Variants in SUMF1 observed in about 807,000 individuals in gnomAD.
The protein encoded by SUMF1 is sulfatase modifying factor 1.
A neutral mutation model predicts 47.6 loss-of-function variants in SUMF1; 48 were observed. The observed-to-expected ratio is 1.01, with a 90% confidence interval of 0.80 to 1.28. SUMF1 has a LOEUF of 1.28. SUMF1 is among the 50% of genes most tolerant of loss of function. The pLI is 0.00. For synonymous variants in SUMF1, 230 were observed against 192.1 expected, an observed-to-expected ratio of 1.20 and a Z score of -1.63; for missense variants, 571 against 485.4, an observed-to-expected ratio of 1.18 and a Z score of -1.66.
At chr3:4,302,263 A>G (rs1045100095) in intron 8 of SUMF1, among the ~76,000 whole-genome samples, 7 of 152,316 alleles carry the variant, frequency 4.6e-5, no homozygotes, top group Admixed American at 2.0e-4. Context: ...TAATACATCA[A>G]TCAATACATG....
intron 1 of SUMF1, among the ~76,000 whole-genome samples, chr3:4,466,691 C>A (rs1317012708): frequency 1.3e-5 from 2 of 151,980 alleles, no homozygotes; most frequent in Admixed American, 1.3e-4. Context: ...AATTTGATTG[C>A]CTTAAAATTA....
chr3:4,128,619 G>C (rs1693714332), intron 8 of SUMF1, among the ~76,000 whole-genome samples: 1 of 152,138 alleles, frequency 6.6e-6, no homozygotes, highest in Non-Finnish European at 1.5e-5. Flanking sequence ...AGTACCGACA[G>C]GCACTTAGAA....
At chr3:4,121,037 C>T (rs982992733) in intron 8 of SUMF1, among the ~76,000 whole-genome samples, 11 of 152,160 alleles carry the variant, frequency 7.2e-5, no homozygotes, top group Admixed American at 2.0e-4. Context: ...CTTACTTTAC[C>T]GGATGGAAAA....
At chr3:4,152,298 T>C (rs527736720) in intron 8 of SUMF1, among the ~76,000 whole-genome samples, 1 of 151,542 alleles carries the variant, frequency 6.6e-6, no homozygotes, top group East Asian at 1.9e-4. Flanking sequence ...TTTGTTTATT[T>C]GTTTTTTGAA....
At chr3:4,450,577 G>A (rs568343388) in intron 2 of SUMF1, among the ~76,000 whole-genome samples, 8 of 152,228 alleles carry the variant, frequency 5.3e-5, no homozygotes, top group African/African-American at 1.9e-4. Context: ...TAAATTAGGG[G>A]ATATAAGGTC....
chr3:4,169,459 T>C (rs1348950109), intron 8 of SUMF1, among the ~76,000 whole-genome samples: 2 of 152,056 alleles, frequency 1.3e-5, no homozygotes, highest in Non-Finnish European at 1.5e-5. Context: ...ACGAGGCATC[T>C]ACAAGACAAA....
intron 8 of SUMF1, among the ~76,000 whole-genome samples, chr3:4,184,711 T>C (rs2125136729): frequency 6.7e-6 from 1 of 149,886 alleles, no homozygotes; most frequent in Non-Finnish European, 1.5e-5. Flanking sequence ...TATAGTGGTG[T>C]GATCTCGGCT....
Position 4,128,341 on chromosome 3 carries a change from AC to A in SUMF1, c.1015-59597del, listed in dbSNP as rs546603944. Among the ~76,000 whole-genome samples the A allele has an allele frequency of 2.8e-3, 428 of 152,262 alleles. 5 individuals carry two copies. The highest frequency in any genetic ancestry group is 9.9e-3 in the African/African-American group (410 of 41,542). On this transcript the variant is annotated intron_variant and NMD_transcript_variant, in intron 8 of 12. Coordinates refer to the SUMF1 transcript ENST00000448413. Reference sequence around the variant, plus strand: ...ACTTGGAATGGGGATGTGTAGGAGGACCCTGATGAAGCAGGGGACACCGAGT... The same window carrying A: ...ACTTGGAATGGGGATGTGTAGGAGGACCTGATGAAGCAGGGGACACCGAGT...
At chr3:4,420,511 C>T (rs951940898) in intron 3 of SUMF1, among the ~76,000 whole-genome samples, 1 of 151,716 alleles carries the variant, frequency 6.6e-6, no homozygotes, top group Non-Finnish European at 1.5e-5. Flanking sequence ...ATTCTCCTGC[C>T]TCAGCTTCCC....
chr3:4,255,415 G>A lies in SUMF1; in HGVS notation c.1014+120915C>T, dbSNP rs1358635036. Among the ~76,000 whole-genome samples the A allele has an allele frequency of 2.7e-4, 28 of 105,366 alleles. No homozygotes were observed. The Admixed American group carries it at 2.7e-3, about 10-fold the overall frequency. 69.1% of individuals were successfully genotyped at this position (105,366 alleles called of 152,430 possible). On this transcript the variant is annotated intron_variant and NMD_transcript_variant, in intron 8 of 12. Transcript: ENST00000448413. ...CATAGGCTCAAAATAAAAGGATGGAGGAAGATCTACCAAGCAAACGGAAAA... is the reference window on the plus strand; with the variant it reads ...CATAGGCTCAAAATAAAAGGATGGAAGAAGATCTACCAAGCAAACGGAAAA...
At chr3:4,089,671 T>G (rs1692743713) in intron 8 of SUMF1, among the ~76,000 whole-genome samples, 1 of 152,168 alleles carries the variant, frequency 6.6e-6, no homozygotes, top group Non-Finnish European at 1.5e-5. Flanking sequence ...CCAGAGATCC[T>G]AAAGGCCTCA....
chr3:4,384,642 G>A (rs1355619723), intron 7 of SUMF1, among the ~76,000 whole-genome samples: 2 of 152,166 alleles, frequency 1.3e-5, no homozygotes, highest in African/African-American at 4.8e-5. Context: ...GATTCATCCA[G>A]GTTGCTCTGC....
At chr3:4,170,562 T>C (rs1051442873) in intron 8 of SUMF1, among the ~76,000 whole-genome samples, 2 of 152,184 alleles carry the variant, frequency 1.3e-5, no homozygotes, top group Non-Finnish European at 2.9e-5. Context: ...TTGGAAGATT[T>C]ACACTATTGA....
chr3:4,364,468 G>C (rs1481139452), intron 8 of SUMF1, among the ~76,000 whole-genome samples: 2 of 146,330 alleles, frequency 1.4e-5, no homozygotes, highest in African/African-American at 2.5e-5. Context: ...TGTATGTGTC[G>C]AGGAATTTAT....
At chr3:4,187,754 C>A (rs1695232152) in intron 8 of SUMF1, among the ~76,000 whole-genome samples, 1 of 152,046 alleles carries the variant, frequency 6.6e-6, no homozygotes, top group Non-Finnish European at 1.5e-5. Flanking sequence ...TAATTGAAAC[C>A]TATTGATTAG....
At chr3:4,101,446 A>C (rs998675635) in intron 8 of SUMF1, among the ~76,000 whole-genome samples, 3 of 152,096 alleles carry the variant, frequency 2.0e-5, no homozygotes, top group African/African-American at 4.8e-5. Flanking sequence ...AAAAAGTCAA[A>C]TTTATAGAAG....
intron 8 of SUMF1, among the ~76,000 whole-genome samples, chr3:4,226,415 G>A (rs1159511059): frequency 2.0e-5 from 3 of 151,490 alleles, no homozygotes; most frequent in Non-Finnish European, 4.4e-5. Flanking sequence ...GACTACAGGT[G>A]CACCCCACCA....
At chr3:4,393,680 G>T (rs1217497635) in intron 7 of SUMF1, among the ~76,000 whole-genome samples, 1 of 151,570 alleles carries the variant, frequency 6.6e-6, no homozygotes, top group Non-Finnish European at 1.5e-5. Flanking sequence ...TAATAATAGA[G>T]TGTGGCAGAA....
At chr3:4,172,328 T>C (rs1694849566) in intron 8 of SUMF1, among the ~76,000 whole-genome samples, 1 of 152,138 alleles carries the variant, frequency 6.6e-6, no homozygotes, top group Admixed American at 6.6e-5. Flanking sequence ...GCAGGAAATA[T>C]GATAAGCTTG....
Sources: gnomAD v4.1 joint callset for allele counts (sites outside exome capture counted in the v4.1 genomes callset) on GRCh38, gnomAD v4.1.1 for gene constraint, MANE v1.5 for transcripts, NCBI Gene and HGNC (gene_info 2026-07-23, HGNC 2026-07-21) for gene names.